The following SLC10A7 variants were observed in gnomAD, a reference collection of about 807,000 sequenced individuals.
The protein encoded by SLC10A7 is solute carrier family 10 member 7, also known as sodium/bile acid cotransporter 7.
SLC10A7 carries 29 observed loss-of-function variants against 43.2 expected under a neutral mutation model. That is an observed-to-expected ratio of 0.67 (90% CI 0.50 to 0.92). SLC10A7 has a LOEUF of 0.92. Among genes scored for constraint, SLC10A7 ranks in the 40% least tolerant of loss-of-function variants. SLC10A7 has a pLI of 0.00. For synonymous variants in SLC10A7, 152 were observed against 144.8 expected (o/e 1.05, Z -0.35); for missense variants, 295 against 403.2 (o/e 0.73, Z 2.30).
intron 6 of SLC10A7, among the ~76,000 whole-genome samples, chr4:146,306,460 T>C (rs925383437): frequency 5.3e-5 from 8 of 152,176 alleles, no homozygotes; most frequent in Non-Finnish European, 2.9e-5. Context: ...AAAACAAATA[T>C]AATGAATCTC....
chr4:146,299,183 C>T lies in SLC10A7; in HGVS notation c.556-5088G>A, dbSNP rs535009256. ...AGATGCATATAACAATCCATACAAG[C>T]GTTTATTTTCATAATTTGGCACTCC... On this transcript the variant is annotated intron_variant, in intron 7 of 11. Coordinates refer to ENST00000335472, the MANE Select transcript of SLC10A7 (RefSeq NM_001029998.6). 7.2e-5 allele frequency among the ~76,000 whole-genome samples: 11 copies of T among 152,148 alleles called. No homozygotes were observed. In the South Asian group the frequency reaches 1.7e-3, roughly 23 times the overall value.
intron 5 of SLC10A7, 81 bp downstream of exon 5, chr4:146,442,702 A>T (rs771516831): frequency 1.3e-6 from 2 of 1,568,666 alleles, no homozygotes; most frequent in African/African-American, 1.4e-5. Context: ...GAGTAAAACA[A>T]ATCCAGCTTT....
intron 4 of SLC10A7, among the ~76,000 whole-genome samples, chr4:146,483,887 T>A (rs1244121577): frequency 6.6e-6 from 1 of 152,160 alleles, no homozygotes; most frequent in Non-Finnish European, 1.5e-5. Flanking sequence ...AAAAAGAAGG[T>A]TTTTATTAAA....
chr4:146,369,862 T>C (rs1736645238), intron 5 of SLC10A7, among the ~76,000 whole-genome samples: 2 of 152,226 alleles, frequency 1.3e-5, no homozygotes, highest in South Asian at 2.1e-4. Flanking sequence ...AATAATGCCA[T>C]TAGTGGGCCC....
chr4:146,496,399 C>T (rs764661674), intron 4 of SLC10A7, among the ~76,000 whole-genome samples: 21 of 152,256 alleles, frequency 1.4e-4, no homozygotes, highest in Middle Eastern at 6.8e-3. Context: ...TCCTACCCTC[C>T]TGTCTCCTGT....
chr4:146,276,533 T>C (rs538423091), intron 10 of SLC10A7, among the ~76,000 whole-genome samples: 14 of 152,304 alleles, frequency 9.2e-5, no homozygotes, highest in African/African-American at 2.4e-4. Flanking sequence ...AAAAAAGGTA[T>C]AAAAACTGTT....
At chr4:146,345,371 T>C (rs1022697989) in intron 5 of SLC10A7, among the ~76,000 whole-genome samples, 2 of 152,170 alleles carry the variant, frequency 1.3e-5, no homozygotes, top group Admixed American at 6.5e-5. Context: ...AATCCTTCAT[T>C]AGTTTCCCAC....
chr4:146,326,850 T>C (rs917680603), intron 5 of SLC10A7, among the ~76,000 whole-genome samples: 20 of 152,250 alleles, frequency 1.3e-4, no homozygotes, highest in Admixed American at 1.1e-3. Context: ...TAATGAATTC[T>C]ACTTGGAATT....
At chr4:146,317,997 A>G (rs1283889629) in intron 6 of SLC10A7, among the ~76,000 whole-genome samples, 1 of 152,012 alleles carries the variant, frequency 6.6e-6, no homozygotes, top group East Asian at 1.9e-4. Context: ...CTAGGAGGCT[A>G]CTATGCACTA....
At chr4:146,264,583 G>A (rs528868960) in intron 10 of SLC10A7, among the ~76,000 whole-genome samples, 4 of 152,084 alleles carry the variant, frequency 2.6e-5, no homozygotes, top group Non-Finnish European at 4.4e-5. Context: ...CTACTTTCTT[G>A]GGTGCTGCCT....
chr4:146,385,919 G>A (rs992002638), intron 5 of SLC10A7, among the ~76,000 whole-genome samples: 1 of 152,162 alleles, frequency 6.6e-6, no homozygotes, highest in Non-Finnish European at 1.5e-5. Context: ...TGTTGCTGCA[G>A]AAGTCATGAT....
chr4:146,430,189 G>A (rs955809914), intron 5 of SLC10A7, among the ~76,000 whole-genome samples: 1 of 152,032 alleles, frequency 6.6e-6, no homozygotes, highest in African/African-American at 2.4e-5. Context: ...CAGTTAACAT[G>A]GGAATGAAAG....
rs55829682 is a variant in SLC10A7 at position 146,510,320 on chromosome 4, C to T, written c.184-271G>A. Among the ~76,000 whole-genome samples the T allele has an allele frequency of 4.2e-3, 624 of 149,808 alleles. 3 individuals carry two copies. The highest frequency in any genetic ancestry group is 0.012 in the African/African-American group (497 of 40,554). ...CGTCGCCCAGGCTGGAGTACAGTGGCGCGATCTTGGCTCACTGCAACCTCC... is the reference window on the plus strand; with the variant it reads ...CGTCGCCCAGGCTGGAGTACAGTGGTGCGATCTTGGCTCACTGCAACCTCC... On this transcript the variant is annotated intron_variant, in intron 2 of 11. Coordinates refer to ENST00000335472, the MANE Select transcript of SLC10A7 (RefSeq NM_001029998.6).
chr4:146,278,737 T>A (rs915981551), intron 10 of SLC10A7, among the ~76,000 whole-genome samples: 1 of 152,140 alleles, frequency 6.6e-6, no homozygotes, highest in African/African-American at 2.4e-5. Flanking sequence ...CTGGAAGGAA[T>A]CTCAAGTGTC....
At chr4:146,420,686 T>C (rs1728900310) in intron 5 of SLC10A7, among the ~76,000 whole-genome samples, 1 of 152,110 alleles carries the variant, frequency 6.6e-6, no homozygotes, top group Admixed American at 6.5e-5. Flanking sequence ...TTGTTTTTTT[T>C]AGGGGTCAGA....
At chr4:146,401,096 A>C (rs1175673670) in intron 5 of SLC10A7, among the ~76,000 whole-genome samples, 2 of 152,334 alleles carry the variant, frequency 1.3e-5, no homozygotes, top group African/African-American at 4.8e-5. Context: ...CTGAGTAAGG[A>C]ATCAGAGAGG....
chr4:146,381,949 A>G (rs1199499624), intron 5 of SLC10A7, among the ~76,000 whole-genome samples: 1 of 152,146 alleles, frequency 6.6e-6, no homozygotes, highest in Non-Finnish European at 1.5e-5. Context: ...TGCAGTATCA[A>G]TAGTTTATAG....
chr4:146,518,506 C>A (rs1411963724), intron 1 of SLC10A7, among the ~76,000 whole-genome samples: 3 of 152,102 alleles, frequency 2.0e-5, no homozygotes, highest in African/African-American at 7.2e-5. Flanking sequence ...AAGATCATCT[C>A]ATATTTGGCA....
intron 6 of SLC10A7, among the ~76,000 whole-genome samples, chr4:146,312,911 A>G (rs1578857294): frequency 6.6e-6 from 1 of 152,202 alleles, no homozygotes; most frequent in Admixed American, 6.5e-5. Flanking sequence ...GAAAGCTATG[A>G]AGAATTGAGC....
Sources: gnomAD v4.1 joint callset for allele counts (sites outside exome capture counted in the v4.1 genomes callset) on GRCh38, gnomAD v4.1.1 for gene constraint, MANE v1.5 for transcripts, NCBI Gene and HGNC (gene_info 2026-07-23, HGNC 2026-07-21) for gene names.